The following BCOR variants were observed in gnomAD, a reference collection of about 807,000 sequenced individuals.
BCOR encodes the protein BCL-6 corepressor.
Under a neutral mutation model 86.7 loss-of-function variants are expected in BCOR, and 10 were observed. That is an observed-to-expected ratio of 0.12 (90% CI 0.07 to 0.20). BCOR has a LOEUF of 0.20. Ranked by LOEUF, BCOR falls within the 10% of genes least tolerant of loss-of-function variation. The probability of loss-of-function intolerance (pLI) is 1.00; values close to 1 mark genes in which losing one functional copy is unlikely to be tolerated. For synonymous variants in BCOR, 611 were observed against 609.0 expected (o/e 1.00, Z -0.05); for missense variants, 1,259 against 1,452.1 (o/e 0.87, Z 2.16).
intron 1 of BCOR, among the ~76,000 whole-genome samples, chrX:40,121,024 G>A (rs763345308): frequency 9.0e-6 from 1 of 111,632 alleles, no homozygotes. Context: ...CCCTGTGGTA[G>A]GAGACTGCCT....
intron 1 of BCOR, among the ~76,000 whole-genome samples, chrX:40,117,960 T>TTCTC (rs747544385): frequency 2.4e-4 from 23 of 94,386 alleles, no homozygotes; most frequent in African/African-American, 5.7e-4. Flanking sequence ...CTCGCACTCT[T>TTCTC]TCTCTCTCTC....
intron 1 of BCOR, among the ~76,000 whole-genome samples, chrX:40,161,759 C>T (rs1053639232): frequency 1.1e-4 from 12 of 111,049 alleles, no homozygotes; most frequent in Non-Finnish European, 1.7e-4. Context: ...GTGATCCGCC[C>T]GCCTCGGCCT....
At chrX:40,129,033 CAT>C (rs1327544363) in intron 1 of BCOR, among the ~76,000 whole-genome samples, 7 of 111,955 alleles carry the variant, frequency 6.3e-5, no homozygotes, top group Non-Finnish European at 1.1e-4. Flanking sequence ...CTATTTTGCA[CAT>C]GATGAAGCTG....
At chrX:40,058,729 G>C (rs1184466672) in intron 10 of BCOR, among the ~76,000 whole-genome samples, 1 of 111,613 alleles carries the variant, frequency 9.0e-6, no homozygotes, top group Non-Finnish European at 1.9e-5. Flanking sequence ...GGGAGGAAGA[G>C]AGAAGGCATG....
At chrX:40,108,571 C>T (rs939058321) in intron 1 of BCOR, among the ~76,000 whole-genome samples, 18 of 113,509 alleles carry the variant, frequency 1.6e-4, no homozygotes, top group Admixed American at 1.4e-3. Flanking sequence ...TCCCGGGCCC[C>T]TCCAGAAGCC....
intron 1 of BCOR, chrX:40,146,647 G>C (rs969565302): frequency 8.9e-6 from 1 of 112,247 alleles, no homozygotes; most frequent in African/African-American, 3.2e-5. Flanking sequence ...AGATGCCTGC[G>C]TCCGCTCCGC....
At chrX:40,077,447 C>T in intron 2 of BCOR, 1 of 183,641 alleles carries the variant, frequency 5.4e-6, no homozygotes, top group South Asian at 9.0e-5. Context: ...AGATCCTGGG[C>T]TTCAATGAAG....
At chrX:40,093,151 C>T (rs1936693687) in intron 1 of BCOR, among the ~76,000 whole-genome samples, 1 of 112,356 alleles carries the variant, frequency 8.9e-6, no homozygotes, top group African/African-American at 3.2e-5. Flanking sequence ...TTTGCATACC[C>T]ATGTTTACAT....
chrX:40,078,048 T>C, intron 1 of BCOR, 79 bp from the exon 2 acceptor site: 1 of 587,761 alleles, frequency 1.7e-6, no homozygotes, highest in Non-Finnish European at 2.9e-6. Flanking sequence ...GGCCTCTTTC[T>C]AGGTGATTCA....
chrX:40,160,313 G>A (rs1938387212), intron 1 of BCOR, among the ~76,000 whole-genome samples: 1 of 110,863 alleles, frequency 9.0e-6, no homozygotes, highest in Admixed American at 9.5e-5. Flanking sequence ...GTAGAGACAG[G>A]GTTTCACTGT....
upstream of BCOR, among the ~76,000 whole-genome samples, chrX:40,097,960 C>T (rs1482581896): frequency 9.0e-6 from 1 of 110,665 alleles, no homozygotes; most frequent in Non-Finnish European, 1.9e-5. Flanking sequence ...GCTCCGTCTG[C>T]CGCCGCACGC....
At chrX:40,172,322 G>A (rs1343349522) in intron 1 of BCOR, among the ~76,000 whole-genome samples, 2 of 112,367 alleles carry the variant, frequency 1.8e-5, no homozygotes, top group African/African-American at 6.5e-5. Flanking sequence ...ACAGGTCCTC[G>A]CCAGCAGCCG....
chrX:40,161,803 G>T (rs760323099), intron 1 of BCOR, among the ~76,000 whole-genome samples: 13 of 112,030 alleles, frequency 1.2e-4, no homozygotes, highest in Non-Finnish European at 2.1e-4. Context: ...ATGAGCCACC[G>T]CGCCTAGCCC....
At chrX:40,070,563 G>T (rs1367564886) in intron 6 of BCOR, among the ~76,000 whole-genome samples, 2 of 111,619 alleles carry the variant, frequency 1.8e-5, no homozygotes, top group Non-Finnish European at 3.8e-5. Flanking sequence ...CATCTTTATG[G>T]TGACTTCACC....
chrX:40,134,510 C>T (rs1362428353), intron 1 of BCOR, among the ~76,000 whole-genome samples: 1 of 110,743 alleles, frequency 9.0e-6, no homozygotes, highest in African/African-American at 3.3e-5. Flanking sequence ...GTGGTCCCAG[C>T]TTCTTGGGAG....
At chrX:40,127,177 T>A (rs1478682336) in intron 1 of BCOR, among the ~76,000 whole-genome samples, 1 of 112,304 alleles carries the variant, frequency 8.9e-6, no homozygotes, top group Non-Finnish European at 1.9e-5. Context: ...ACTGTGTGAC[T>A]TCTGAGGAGA....
chrX:40,068,702 C>G (rs1343580314), intron 6 of BCOR, among the ~76,000 whole-genome samples: 1 of 113,329 alleles, frequency 8.8e-6, no homozygotes, highest in Non-Finnish European at 1.9e-5. Flanking sequence ...CCTACCCCAT[C>G]TTCAAAATGC....
chrX:40,086,220 GTC>G (rs1159177892), intron 1 of BCOR, among the ~76,000 whole-genome samples: 1 of 111,460 alleles, frequency 9.0e-6, no homozygotes, highest in East Asian at 2.8e-4. Context: ...GCACCCGCCT[GTC>G]TCTAACTTGT....
exon 1 of BCOR, chrX:40,177,256 C>T (rs1188341156): frequency 8.9e-6 from 1 of 112,086 alleles, no homozygotes; most frequent in Non-Finnish European, 1.9e-5. Context: ...CTTCTCCCCG[C>T]ACATGCAGCC....
Sources: allele counts gnomAD v4.1 joint callset (sites outside exome capture counted in the v4.1 genomes callset), GRCh38; gene constraint gnomAD v4.1.1; transcripts MANE v1.5; gene names NCBI Gene and HGNC (gene_info 2026-07-23, HGNC 2026-07-21).